Variants in SPOCK1 observed in about 807,000 individuals in gnomAD.
The protein encoded by SPOCK1 is SPARC (osteonectin), cwcv and kazal like domains proteoglycan 1.
In SPOCK1, 23 loss-of-function variants were observed where a neutral mutation model predicts 55.3. The ratio of observed to expected loss-of-function variants is 0.42; its 90% CI spans 0.30 to 0.59. The LOEUF (loss-of-function observed/expected upper bound fraction) is 0.59. SPOCK1 is among the 20% of genes least tolerant of loss of function. The probability of loss-of-function intolerance (pLI) is 0.22; values close to 1 mark genes in which losing one functional copy is unlikely to be tolerated. For missense variants in SPOCK1, 499 were observed against 552.5 expected, an observed-to-expected ratio of 0.90 and a Z score of 0.97; for synonymous variants, 226 against 221.0, an observed-to-expected ratio of 1.02 and a Z score of -0.20.
intron 4 of SPOCK1, among the ~76,000 whole-genome samples, chr5:137,119,121 C>A (rs1446724001): frequency 4.6e-5 from 7 of 152,188 alleles, no homozygotes; most frequent in Non-Finnish European, 1.0e-4. Flanking sequence ...AAGACAGAGA[C>A]CTGTCAGCTC....
intron 2 of SPOCK1, among the ~76,000 whole-genome samples, chr5:137,363,680 C>G (rs543284660): frequency 3.1e-4 from 47 of 152,352 alleles, no homozygotes; most frequent in Middle Eastern, 3.4e-3. Context: ...ATCATATCCT[C>G]AGCACGAGGC....
At chr5:137,395,422 A>T (rs1751823283) in intron 2 of SPOCK1, among the ~76,000 whole-genome samples, 1 of 152,210 alleles carries the variant, frequency 6.6e-6, no homozygotes, top group Non-Finnish European at 1.5e-5. Flanking sequence ...CAAACAGGAC[A>T]CATTTTCACT....
At chr5:137,432,314 T>C (rs530576948) in intron 2 of SPOCK1, among the ~76,000 whole-genome samples, 1 of 152,238 alleles carries the variant, frequency 6.6e-6, no homozygotes, top group Non-Finnish European at 1.5e-5. Context: ...CCCATGCTCA[T>C]GGCAGGATTA....
intron 2 of SPOCK1, among the ~76,000 whole-genome samples, chr5:137,377,815 A>G (rs1412071810): frequency 6.6e-6 from 1 of 152,148 alleles, no homozygotes; most frequent in Admixed American, 6.5e-5. Context: ...CAACAAATGA[A>G]TCAAATCAGT....
At chr5:137,306,106 A>T (rs999910305) in intron 2 of SPOCK1, among the ~76,000 whole-genome samples, 2 of 152,222 alleles carry the variant, frequency 1.3e-5, no homozygotes, top group Non-Finnish European at 2.9e-5. Flanking sequence ...TCAGGAACTC[A>T]CAGTAACACT....
intron 3 of SPOCK1, among the ~76,000 whole-genome samples, chr5:137,230,173 G>C (rs913172180): frequency 2.0e-5 from 3 of 152,206 alleles, no homozygotes; most frequent in Non-Finnish European, 4.4e-5. Flanking sequence ...CTGAGTGCAC[G>C]TAAGATGCAT....
At chr5:137,477,119 T>A (rs1753851943) in intron 2 of SPOCK1, among the ~76,000 whole-genome samples, 1 of 152,228 alleles carries the variant, frequency 6.6e-6, no homozygotes, top group Non-Finnish European at 1.5e-5. Flanking sequence ...ATTATTGGAC[T>A]ATCCACCCAA....
intron 5 of SPOCK1, among the ~76,000 whole-genome samples, chr5:137,086,597 A>G (rs1365860433): frequency 6.6e-6 from 1 of 152,116 alleles, no homozygotes; most frequent in Non-Finnish European, 1.5e-5. Flanking sequence ...CCGGGTTGGA[A>G]TGACCATGCA....
Position 137,414,454 on chromosome 5 carries a change from A to C in SPOCK1, c.186+83919T>G, listed in dbSNP as rs530375000. Among the ~76,000 whole-genome samples, 3 of 152,344 alleles carry C rather than the reference A, an allele frequency of 2.0e-5. No homozygotes were observed. The South Asian group carries it at 6.2e-4, about 32-fold the overall frequency. On this transcript the variant is annotated intron_variant, in intron 2 of 10. Coordinates refer to ENST00000394945, the MANE Select transcript of SPOCK1 (RefSeq NM_004598.4). ...AATTCACTTATTCAGTAGAATAATA[A>C]AAATGTGACTGCTTACCACCTTTCC...
intron 3 of SPOCK1, among the ~76,000 whole-genome samples, chr5:137,224,516 C>T (rs1481537925): frequency 6.6e-6 from 1 of 152,174 alleles, no homozygotes; most frequent in East Asian, 1.9e-4. Flanking sequence ...AATGGCAGTT[C>T]ATACCTAATT....
chr5:137,315,888 G>T (rs1757871850), intron 2 of SPOCK1, among the ~76,000 whole-genome samples: 1 of 152,194 alleles, frequency 6.6e-6, no homozygotes, highest in Non-Finnish European at 1.5e-5. Flanking sequence ...TCCTAGGGGA[G>T]TTGGGGGCAG....
At chr5:137,221,570 T>A (rs756068679) in intron 3 of SPOCK1, among the ~76,000 whole-genome samples, 1 of 152,168 alleles carries the variant, frequency 6.6e-6, no homozygotes, top group South Asian at 2.1e-4. Flanking sequence ...CGATGAGATA[T>A]TTTCAGTTTC....
chr5:137,453,634 A>G (rs968868222), intron 2 of SPOCK1, among the ~76,000 whole-genome samples: 2 of 152,270 alleles, frequency 1.3e-5, no homozygotes, highest in South Asian at 2.1e-4. Context: ...CCAAGGCTGC[A>G]CTCTTGTTCA....
chr5:137,071,340 A>G lies in SPOCK1; in HGVS notation c.475-3511T>C, dbSNP rs375297703. On this transcript the variant is annotated intron_variant, in intron 5 of 10. Coordinates refer to ENST00000394945, the MANE Select transcript of SPOCK1 (RefSeq NM_004598.4). Reference sequence around the variant, plus strand: ...CTTAAAACAGGCTATTTAGAGATACAGATACATGTGGTAAAAGCTCCTTTA... The same window carrying G: ...CTTAAAACAGGCTATTTAGAGATACGGATACATGTGGTAAAAGCTCCTTTA... Among the ~76,000 whole-genome samples, 5 of 152,312 alleles carry G rather than the reference A, an allele frequency of 3.3e-5. No homozygotes were observed. In the East Asian group the frequency reaches 9.6e-4, roughly 29 times the overall value.
At chr5:136,991,436 CT>C (rs760032322) in intron 7 of SPOCK1, among the ~76,000 whole-genome samples, 75 of 152,228 alleles carry the variant, frequency 4.9e-4, no homozygotes, top group Non-Finnish European at 9.7e-4. Flanking sequence ...CCAAAAATAA[CT>C]AAAAATTAAG....
intron 9 of SPOCK1, among the ~76,000 whole-genome samples, chr5:136,983,424 G>C (rs1430033190): frequency 6.6e-6 from 1 of 152,198 alleles, no homozygotes. Context: ...TGATGCCACA[G>C]TTAGAAGCTT....
intron 4 of SPOCK1, among the ~76,000 whole-genome samples, chr5:137,121,952 A>T (rs1423324795): frequency 1.4e-5 from 2 of 146,438 alleles, no homozygotes; most frequent in African/African-American, 5.0e-5. Flanking sequence ...ATATATGATT[A>T]TATATATATA....
chr5:137,489,839 C>T (rs1272024588), intron 2 of SPOCK1, among the ~76,000 whole-genome samples: 1 of 152,248 alleles, frequency 6.6e-6, no homozygotes, highest in Non-Finnish European at 1.5e-5. Flanking sequence ...CCTCTCCTCA[C>T]CTGGTTCACT....
rs1413187409 is a variant in SPOCK1 at position 137,406,141 on chromosome 5, C to T, written c.186+92232G>A. 7.2e-5 allele frequency among the ~76,000 whole-genome samples: 11 copies of T among 152,296 alleles called. No individual in the cohort carries two copies. In the East Asian group the frequency reaches 2.1e-3, roughly 29 times the overall value. ...AGAGAAGCCCAGCCTCCTACAGAGG[C>T]TCACCACTAACAGATACTTATAGCC... On this transcript the variant is annotated intron_variant, in intron 2 of 10. Coordinates refer to ENST00000394945, the MANE Select transcript of SPOCK1 (RefSeq NM_004598.4).
Sources: gnomAD v4.1 joint callset for allele counts (sites outside exome capture counted in the v4.1 genomes callset) on GRCh38, gnomAD v4.1.1 for gene constraint, MANE v1.5 for transcripts, NCBI Gene and HGNC (gene_info 2026-07-23, HGNC 2026-07-21) for gene names.